The following WEE1 variants were observed in gnomAD, a reference collection of about 807,000 sequenced individuals.
WEE1 encodes the protein wee1-like protein kinase.
Under a neutral mutation model 68.8 loss-of-function variants are expected in WEE1, and 16 were observed. That is an observed-to-expected ratio of 0.23 (90% confidence interval 0.16 to 0.35). The LOEUF is 0.35. WEE1 is among the 10% of genes least tolerant of loss of function. WEE1 has a pLI of 1.00. For synonymous variants in WEE1, 349 were observed against 318.7 expected, an observed-to-expected ratio of 1.09 and a Z score of -1.01; for missense variants, 651 against 824.1, an observed-to-expected ratio of 0.79 and a Z score of 2.57.
In WEE1 at chr11:9,585,425, T is replaced by C. The variant is rs781213335; in HGVS notation, c.1385-17T>C. 1 of 1,609,136 alleles carries C rather than the reference T, an allele frequency of 6.2e-7. No individual in the cohort carries two copies. Among genetic ancestry groups the C allele is most frequent in the Non-Finnish European group, 8.5e-7 (1 of 1,178,284 alleles). ...TTTTGTTTTTGCTCTTCACTGTAAG[T>C]TTTTCAATACTTCTAGGTGATCTTG... On this transcript the variant is annotated splice_polypyrimidine_tract_variant and intron_variant, in intron 7 of 10. Coordinates refer to ENST00000450114, the MANE Select transcript of WEE1 (RefSeq NM_003390.4).
At position 9,574,370 on chromosome 11, in the gene WEE1, C is replaced by G; in HGVS notation, c.437C>G (p.Pro146Arg). 1 of 1,230,170 alleles carries G rather than the reference C, an allele frequency of 8.1e-7. No homozygotes were observed. The highest frequency in any genetic ancestry group is 1.0e-6 in the Non-Finnish European group (1 of 988,548). The allele number at this position is 1,230,170 out of a possible 1,614,324, so 76.2% of individuals were successfully genotyped here. A position where few individuals can be genotyped will look rare whatever the true frequency, so the allele number is the denominator to read the frequency against. Residue 146 changes from proline to arginine, a missense_variant, in exon 1 of 11, where the codon CCA becomes CGA. Transcript: ENST00000450114. This position sits in a 1 kb window ranked among gnomAD's most constrained non-coding sequence, Gnocchi z 4.9. ...SSFSPVRCGG[P>R]GDASPRGCGA... ...TTCTCGCCGGTGCGCTGCGGCGGCC[C>G]AGGAGATGCGTCGCCGCGGGGTTGC...
intron 6 of WEE1, among the ~76,000 whole-genome samples, chr11:9,582,083 G>A (rs944288979): frequency 2.6e-5 from 4 of 152,174 alleles, no homozygotes; most frequent in African/African-American, 9.7e-5. Context: ...AGGAACTACA[G>A]GTGGGATACT....
rs374597379 is a variant in WEE1, at chr11:9,577,217, G to T, written c.1095G>T (p.Ala365=). ...QHSHVVRYFS[A]WAEDDHMLIQ... is the part of the protein sequence containing the mutation. The stretch of plus-strand genomic sequence containing the variant: ...CTCATGTAGTTCGATATTTCTCTGC[G>T]TGGGCAGAAGATGATCATATGCTTA... Residue 365 remains alanine, a synonymous_variant, in exon 5 of 11, where the codon GCG becomes GCT. Coordinates refer to ENST00000450114, the MANE Select transcript of WEE1 (RefSeq NM_003390.4). 1.9e-6 allele frequency: 3 copies of T among 1,613,852 alleles called. No individual in the cohort carries two copies. The highest frequency in any genetic ancestry group is 2.2e-5 in the South Asian group (2 of 91,076).
Position 9,576,460 on chromosome 11 carries a change from C to A in WEE1, c.847-27C>A. 1 of 1,600,646 alleles carries A rather than the reference C, an allele frequency of 6.2e-7. No individual in the cohort carries two copies. Among genetic ancestry groups the A allele is most frequent in the African/African-American group, 1.3e-5 (1 of 74,250 alleles). ...TAACTGTTTTCGTATATTTGTATTA[C>A]ATATATGGAAACACTTTTTATTACA... On this transcript the variant is annotated intron_variant, in intron 3 of 10. Coordinates refer to ENST00000450114, the MANE Select transcript of WEE1 (RefSeq NM_003390.4). This position sits in a 1 kb window ranked among gnomAD's most constrained non-coding sequence, Gnocchi z 4.3.
At position 9,576,262 on chromosome 11, in the gene WEE1, A is replaced by T. The variant is rs553599700; in HGVS notation, c.815A>T (p.Tyr272Phe). Reference sequence around the variant, plus strand: ...GGTGAAGACATGGAAGCCAGTGATTATGAGCTTGAAGATGAAACAAGACCT... The same window carrying T: ...GGTGAAGACATGGAAGCCAGTGATTTTGAGCTTGAAGATGAAACAAGACCT... The part of the protein sequence containing the change: ...SCGEDMEASD[Y>F]ELEDETRPAK... The change falls in exon 3 of 11, where the codon TAT (tyrosine) becomes TTT (phenylalanine). Residue 272 changes from tyrosine to phenylalanine, a missense_variant. This residue lies in a region of WEE1 where 395 missense variants were observed against 378.4 expected (regional missense o/e 1.04). Transcript: ENST00000450114. The surrounding 1 kb of genome is among the most constrained non-coding windows in gnomAD (Gnocchi z 4.3). 1 of 1,519,188 alleles carries T rather than the reference A, an allele frequency of 6.6e-7. No homozygotes were observed. The highest frequency in any genetic ancestry group is 2.5e-5 in the East Asian group (1 of 40,734). The allele number at this position is 1,519,188 out of a possible 1,614,324, so 94.1% of individuals were successfully genotyped here.
Position 9,576,938 on chromosome 11 carries a change from A to G in WEE1, c.1020-204A>G, listed in dbSNP as rs1849570311. 1.3e-5 allele frequency among the ~76,000 whole-genome samples: 2 copies of G among 152,204 alleles called. No individual in the cohort carries two copies. Among genetic ancestry groups the G allele is most frequent in the Non-Finnish European group, 2.9e-5 (2 of 68,014 alleles). On this transcript the variant is annotated intron_variant, in intron 4 of 10. Coordinates refer to ENST00000450114, the MANE Select transcript of WEE1 (RefSeq NM_003390.4). This position sits in a 1 kb window ranked among gnomAD's most constrained non-coding sequence, Gnocchi z 4.3. ...TTACCTGAGTCCTAGGGCAAGCAAC[A>G]TTTCTTCTTTCTGATAAATCTTTAA... is the stretch of plus-strand genomic sequence containing the variant.
Position 9,589,129 on chromosome 11 carries a change from G to A in WEE1, c.*527G>A. 1.0e-6 allele frequency: 1 copy of A among 985,772 alleles called. No individual in the cohort carries two copies. Among genetic ancestry groups the A allele is most frequent in the Non-Finnish European group, 1.2e-6 (1 of 829,918 alleles). The allele number at this position is 985,772 out of a possible 1,614,324, so 61.1% of individuals were successfully genotyped here. ...ACCATGGGATGATGATTCTGTGGAG[G>A]TATTGCCTTGTGAATTTGCTGCTAT... On this transcript the variant is annotated 3_prime_UTR_variant, in exon 11 of 11. Coordinates refer to ENST00000450114, the MANE Select transcript of WEE1 (RefSeq NM_003390.4).
chr11:9,578,117 A>G, intron 5 of WEE1: 1 of 298,734 alleles, frequency 3.3e-6, no homozygotes, highest in Non-Finnish European at 6.5e-6. Context: ...ACATCAGCAC[A>G]TTACCAGTCT....
At position 9,589,646 on chromosome 11, in the gene WEE1, TTGTC is replaced by T. The variant is rs1358110154; in HGVS notation, c.*1048_*1051del. On this transcript the variant is annotated 3_prime_UTR_variant, in exon 11 of 11. Transcript: ENST00000450114. ...ACTGGCTAACAGATGTTGAAAAAAA[TTGTC>T]TGTTTGTTTTCTCATTAATTTTGGT... The T allele has an allele frequency of 1.2e-5, 12 of 975,368 alleles. No individual in the cohort carries two copies. The highest frequency in any genetic ancestry group is 2.3e-4 in the East Asian group (2 of 8,512). 60.4% of individuals were successfully genotyped at this position (975,368 alleles called of 1,614,324 possible).
Position 9,573,997 on chromosome 11 carries a change from C to A in WEE1, c.64C>A (p.Arg22=). The A allele has an allele frequency of 1.6e-6, 2 of 1,285,206 alleles. No homozygotes were observed. The highest frequency in any genetic ancestry group is 2.0e-6 in the Non-Finnish European group (2 of 1,015,960). 79.6% of individuals were successfully genotyped at this position (1,285,206 alleles called of 1,614,324 possible). Residue 22 remains arginine (R), a synonymous_variant, in exon 1 of 11, where the codon CGG becomes AGG. Transcript: ENST00000450114. The part of the protein sequence containing the change: ...PRRAGAACTL[R]QKLIFSPCSD... ...CCGCGCCGGGGCGGCCTGCACCTTG[C>A]GGCAGAAGCTGATCTTCTCGCCCTG...
At position 9,574,759 on chromosome 11, in the gene WEE1, A is replaced by G; in HGVS notation, c.576+250A>G. ...GCCGATCGGCCCGTCCGGGTGGCCA[A>G]GGATTTGCCGCCCGTTGAGTCCGGG... On this transcript the variant is annotated intron_variant, in intron 1 of 10. Transcript: ENST00000450114. The surrounding 1 kb of genome is among the most constrained non-coding windows in gnomAD (Gnocchi z 4.9). The G allele has an allele frequency of 9.8e-7, 1 of 1,023,064 alleles. No homozygotes were observed. The highest frequency in any genetic ancestry group is 1.2e-6 in the Non-Finnish European group (1 of 854,914). The allele number at this position is 1,023,064 out of a possible 1,614,324, so 63.4% of individuals were successfully genotyped here.
chr11:9,584,622 C>CT (rs11414683), intron 6 of WEE1, among the ~76,000 whole-genome samples: 24,923 of 152,216 alleles, frequency 0.16, 2,424 homozygotes, highest in East Asian at 0.4. Flanking sequence ...GGCTAAATGA[C>CT]TCATTCTGCT....
intron 5 of WEE1, chr11:9,578,723 A>C (rs750538293): frequency 5.9e-5 from 9 of 152,164 alleles, no homozygotes; most frequent in Non-Finnish European, 1.2e-4. Context: ...ATATGTAGCA[A>C]CCTACCAATA....
At chr11:9,581,357 A>G in intron 5 of WEE1, 175 bp from the exon 6 acceptor site, 1 of 579,810 alleles carries the variant, frequency 1.7e-6, no homozygotes, top group East Asian at 2.9e-5. Context: ...ATGCAAATGT[A>G]TTACCTATTG....
In WEE1 at chr11:9,589,118, A is replaced by G. The variant is rs1849733994; in HGVS notation, c.*516A>G. On this transcript the variant is annotated 3_prime_UTR_variant, in exon 11 of 11. Transcript: ENST00000450114. ...GCATTGCATGAACCATGGGATGATG[A>G]TTCTGTGGAGGTATTGCCTTGTGAA... is the stretch of plus-strand genomic sequence containing the variant. The G allele has an allele frequency of 2.0e-6, 2 of 985,604 alleles. No homozygotes were observed. Among genetic ancestry groups the G allele is most frequent in the African/African-American group, 3.5e-5 (2 of 57,170 alleles). 61.1% of individuals were successfully genotyped at this position (985,604 alleles called of 1,614,324 possible).
intron 5 of WEE1, chr11:9,577,750 G>T: frequency 2.7e-6 from 1 of 373,366 alleles, no homozygotes; most frequent in South Asian, 2.1e-5. Context: ...ATCCAACCTA[G>T]TCTACCCTAG....
Position 9,576,984 on chromosome 11 carries a change from A to C in WEE1, c.1020-158A>C, listed in dbSNP as rs545084352. Among the ~76,000 whole-genome samples, 1 of 152,304 alleles carries C rather than the reference A, an allele frequency of 6.6e-6. No homozygotes were observed. The highest frequency in any genetic ancestry group is 1.9e-4 in the East Asian group (1 of 5,192). On this transcript the variant is annotated intron_variant, in intron 4 of 10. Transcript: ENST00000450114. The surrounding 1 kb of genome is among the most constrained non-coding windows in gnomAD (Gnocchi z 4.3). Reference sequence around the variant, plus strand: ...TTTAATGGAATCTGCCTTTGGAAAAATCTCTTACAAGTCTAAACCCCTTCT... The same window carrying C: ...TTTAATGGAATCTGCCTTTGGAAAACTCTCTTACAAGTCTAAACCCCTTCT...
At chr11:9,586,895 TC>T in intron 10 of WEE1, 39 bp downstream of exon 10, 1 of 1,554,682 alleles carries the variant, frequency 6.4e-7, no homozygotes, top group African/African-American at 1.4e-5. Context: ...GCTTTTTCAT[TC>T]ACTTTAATTC....
Position 9,576,402 on chromosome 11 carries a change from T to C in WEE1, c.847-85T>C. ...CACATAAGGTAGAATGGTTTTTAAA[T>C]TTCACACATAGCCCTATCACCATAG... On this transcript the variant is annotated intron_variant, in intron 3 of 10. Coordinates refer to ENST00000450114, the MANE Select transcript of WEE1 (RefSeq NM_003390.4). The surrounding 1 kb of genome is among the most constrained non-coding windows in gnomAD (Gnocchi z 4.3). The C allele has an allele frequency of 3.2e-6, 5 of 1,557,616 alleles. No individual in the cohort carries two copies. The South Asian group carries it at 6.0e-5, about 19-fold the overall frequency.
Sources: gnomAD v4.1 joint callset for allele counts (sites outside exome capture counted in the v4.1 genomes callset) on GRCh38, gnomAD v4.1.1 for gene constraint, gnomAD v4.1.1 regional missense constraint, Gnocchi (gnomAD v3.1) non-coding constraint, MANE v1.5 for transcripts, NCBI Gene and HGNC (gene_info 2026-07-23, HGNC 2026-07-21) for gene names.